KALRN: variants seen among roughly 807,000 people sequenced by gnomAD.
KALRN encodes kalirin.
Under a neutral mutation model 353.7 loss-of-function variants are expected in KALRN, and 70 were observed. The observed-to-expected ratio is 0.20, with a 90% CI of 0.16 to 0.24. KALRN has a LOEUF of 0.24. KALRN is among the 10% of genes least tolerant of loss of function. The probability of loss-of-function intolerance (pLI) is 1.00; values close to 1 mark genes in which losing one functional copy is unlikely to be tolerated. For synonymous variants in KALRN, 1,391 were observed against 1,434.8 expected, an observed-to-expected ratio of 0.97 and a Z score of 0.69; for missense variants, 2,791 against 3,756.7, an observed-to-expected ratio of 0.74 and a Z score of 6.72.
intron 1 of KALRN, among the ~76,000 whole-genome samples, chr3:124,139,561 G>A (rs1048190272): frequency 4.6e-5 from 7 of 152,174 alleles, no homozygotes; most frequent in East Asian, 1.9e-4. Context: ...TTAGGGACAA[G>A]GAGGGTTTGT....
chr3:124,671,488 G>A (rs1436918348), intron 47 of KALRN, among the ~76,000 whole-genome samples, 172 bp from the exon 48 acceptor site: 1 of 152,064 alleles, frequency 6.6e-6, no homozygotes, highest in East Asian at 1.9e-4. Flanking sequence ...TTTGTTTTTT[G>A]TATTTTCATT....
At chr3:124,121,000 A>G (rs1410661819) in intron 1 of KALRN, among the ~76,000 whole-genome samples, 3 of 147,370 alleles carry the variant, frequency 2.0e-5, no homozygotes, top group African/African-American at 7.5e-5. Flanking sequence ...AAGCTGAGGC[A>G]TGAGAATTGC....
chr3:124,536,414 C>T (rs1463612669), intron 33 of KALRN, among the ~76,000 whole-genome samples: 1 of 151,992 alleles, frequency 6.6e-6, no homozygotes, highest in Non-Finnish European at 1.5e-5. Context: ...GTTGGCCAGG[C>T]TGGTCTTGAA....
chr3:124,375,136 G>A (rs1462621758), intron 10 of KALRN, among the ~76,000 whole-genome samples: 2 of 152,164 alleles, frequency 1.3e-5, no homozygotes, highest in East Asian at 3.9e-4. Context: ...GACCAGAGGA[G>A]TGGAGATTAT....
At chr3:124,595,788 C>G (rs770273336) in intron 34 of KALRN, among the ~76,000 whole-genome samples, 2 of 152,164 alleles carry the variant, frequency 1.3e-5, no homozygotes, top group Non-Finnish European at 2.9e-5. Flanking sequence ...CTCCTGTTTA[C>G]TTCTGTTTAC....
At chr3:124,307,823 T>C (rs1167013301) in intron 6 of KALRN, among the ~76,000 whole-genome samples, 7 of 152,018 alleles carry the variant, frequency 4.6e-5, no homozygotes, top group Non-Finnish European at 1.5e-5. Flanking sequence ...GTAGAAATTG[T>C]CAGACTGGAT....
At chr3:124,547,162 TTTTA>T (rs1215355981) in intron 33 of KALRN, among the ~76,000 whole-genome samples, 1 of 151,926 alleles carries the variant, frequency 6.6e-6, no homozygotes, top group African/African-American at 2.4e-5. Flanking sequence ...TTATTTTAAA[TTTTA>T]TTTATTTATT....
chr3:124,066,440 T>C (rs1393077068), intron 1 of KALRN, among the ~76,000 whole-genome samples: 1 of 152,176 alleles, frequency 6.6e-6, no homozygotes, highest in African/African-American at 2.4e-5. Flanking sequence ...AGGAAACAGA[T>C]GGCCCAGCCA....
At chr3:124,219,349 C>A (rs1277516876) in intron 1 of KALRN, among the ~76,000 whole-genome samples, 1 of 152,116 alleles carries the variant, frequency 6.6e-6, no homozygotes, top group Admixed American at 6.5e-5. Context: ...AGGGCAGGCA[C>A]CCTAAGGAAG....
chr3:124,611,486 A>C (rs1389096862), intron 34 of KALRN, among the ~76,000 whole-genome samples: 1 of 152,194 alleles, frequency 6.6e-6, no homozygotes, highest in African/African-American at 2.4e-5. Flanking sequence ...CATATGTAGT[A>C]AGCTGTTTCT....
At chr3:124,658,595 G>A (rs1225220726) in intron 42 of KALRN, 78 bp downstream of exon 42, 30 of 1,070,030 alleles carry the variant, frequency 2.8e-5, no homozygotes, top group South Asian at 1.6e-4. Context: ...AATACCAGAC[G>A]TCATCCATCC....
At chr3:124,330,994 A>G (rs976259895) in intron 8 of KALRN, among the ~76,000 whole-genome samples, 1 of 152,200 alleles carries the variant, frequency 6.6e-6, no homozygotes, top group African/African-American at 2.4e-5. Context: ...AATGGCTCCT[A>G]GGTAAGAGTA....
At chr3:124,642,815 T>TTGTTGTTG (rs1559750179) in intron 37 of KALRN, among the ~76,000 whole-genome samples, 9 of 140,356 alleles carry the variant, frequency 6.4e-5, no homozygotes, top group African/African-American at 8.1e-5. Context: ...CGTTTTTTTT[T>TTGTTGTTG]TTTTTTTTTT....
intron 14 of KALRN, among the ~76,000 whole-genome samples, chr3:124,417,338 C>T (rs1341503119): frequency 2.0e-5 from 3 of 152,198 alleles, no homozygotes; most frequent in Non-Finnish European, 4.4e-5. Flanking sequence ...TCTCACTTTC[C>T]GTAATTCAGC....
intron 25 of KALRN, among the ~76,000 whole-genome samples, chr3:124,471,963 TCTC>T: frequency 1.0e-5 from 1 of 99,462 alleles, no homozygotes. Context: ...TGAGACTCCG[TCTC>T]AAAAAAAAAA....
At chr3:124,343,059 C>T (rs1243000746) in intron 9 of KALRN, among the ~76,000 whole-genome samples, 1 of 152,194 alleles carries the variant, frequency 6.6e-6, no homozygotes, top group East Asian at 1.9e-4. Context: ...TGCCATTGGC[C>T]TCGCCTGGGT....
Position 124,221,954 on chromosome 3 carries a change from C to A in KALRN, c.74-6036C>A, listed in dbSNP as rs57333673. ...TCAGATGCAGAGCTCCCCAGGTGGG[C>A]GCACCCCTCCTTTCTGTTTCCTGAC... On this transcript the variant is annotated intron_variant, in intron 1 of 59. Coordinates refer to ENST00000682506, the MANE Select transcript of KALRN (RefSeq NM_001388419.1). 0.042 allele frequency among the ~76,000 whole-genome samples: 6,400 copies of A among 152,194 alleles called. 746 individuals carry two copies. The East Asian group carries it at 0.46, about 11-fold the overall frequency.
At chr3:124,138,677 C>T (rs866317633) in intron 1 of KALRN, among the ~76,000 whole-genome samples, 5 of 152,252 alleles carry the variant, frequency 3.3e-5, no homozygotes, top group African/African-American at 9.6e-5. Context: ...GTGGAATTCC[C>T]GGGCCTTTTG....
At position 124,501,884 on chromosome 3, in the gene KALRN, T is replaced by C. The variant is rs185209160; in HGVS notation, c.4935+5471T>C. ...TCCTGCCATCTTCCAGCTTACATTC[T>C]GGTACATAGAAAACCAGAAGGAGAA... On this transcript the variant is annotated intron_variant, in intron 33 of 59. Transcript: ENST00000682506. 2.2e-3 allele frequency among the ~76,000 whole-genome samples: 328 copies of C among 152,348 alleles called. 1 individual carries two copies. The highest frequency in any genetic ancestry group is 6.8e-3 in the Middle Eastern group (2 of 294).
Sources: allele counts gnomAD v4.1 joint callset (sites outside exome capture counted in the v4.1 genomes callset), GRCh38; gene constraint gnomAD v4.1.1; transcripts MANE v1.5; gene names NCBI Gene and HGNC (gene_info 2026-07-23, HGNC 2026-07-21).